MAGI1: variants seen among roughly 807,000 people sequenced by gnomAD.
The protein encoded by MAGI1 is membrane-associated guanylate kinase, WW and PDZ domain-containing protein 1.
In MAGI1, 58 loss-of-function variants were observed where a neutral mutation model predicts 139.9. That is an observed-to-expected ratio of 0.41 (90% CI 0.34 to 0.52). The LOEUF (loss-of-function observed/expected upper bound fraction) is 0.52. MAGI1 is among the 20% of genes least tolerant of loss of function. The pLI, the probability that MAGI1 is intolerant of heterozygous loss-of-function variation, is 0.12. For synonymous variants in MAGI1, 812 were observed against 737.9 expected, an observed-to-expected ratio of 1.10 and a Z score of -1.63; for missense variants, 1,874 against 1,901.6, an observed-to-expected ratio of 0.99 and a Z score of 0.27.
At chr3:65,910,479 C>T (rs1213957906) in intron 1 of MAGI1, among the ~76,000 whole-genome samples, 1 of 152,114 alleles carries the variant, frequency 6.6e-6, no homozygotes, top group Non-Finnish European at 1.5e-5. Flanking sequence ...TAAAGTACGC[C>T]ACCATTGCAA....
intron 1 of MAGI1, among the ~76,000 whole-genome samples, chr3:65,927,624 T>C (rs1045673292): frequency 2.0e-5 from 3 of 152,312 alleles, no homozygotes; most frequent in South Asian, 4.1e-4. Context: ...AAGCTATCAA[T>C]GTAAAGTACT....
At chr3:65,514,887 T>C (rs1437616494) in intron 2 of MAGI1, among the ~76,000 whole-genome samples, 2 of 147,640 alleles carry the variant, frequency 1.4e-5, no homozygotes, top group Non-Finnish European at 3.0e-5. Context: ...TTATTCACAA[T>C]AGCAAAGACT....
intron 1 of MAGI1, among the ~76,000 whole-genome samples, chr3:65,780,018 T>A (rs2038800388): frequency 7.9e-6 from 1 of 126,148 alleles, no homozygotes; most frequent in Non-Finnish European, 1.6e-5. Flanking sequence ...TGCTATCAAT[T>A]TTTTGGGGGG....
intron 2 of MAGI1, among the ~76,000 whole-genome samples, chr3:65,530,860 T>C (rs1201546279): frequency 7.1e-6 from 1 of 141,796 alleles, no homozygotes; most frequent in Non-Finnish European, 1.5e-5. Flanking sequence ...CACACATATA[T>C]ATATATATGG....
chr3:65,401,998 G>A (rs1033864332), intron 12 of MAGI1: 2 of 627,924 alleles, frequency 3.2e-6, no homozygotes, highest in African/African-American at 4.0e-5. Context: ...TTCTTTATTT[G>A]GATGAGCTCA....
At chr3:65,432,438 A>T (rs1947526745) in intron 10 of MAGI1, among the ~76,000 whole-genome samples, 1 of 152,208 alleles carries the variant, frequency 6.6e-6, no homozygotes, top group African/African-American at 2.4e-5. Context: ...AGAGTTTAAA[A>T]GGTCTCTGGG....
chr3:65,429,379 T>C (rs902433120), intron 12 of MAGI1, 141 bp downstream of exon 12: 9 of 826,788 alleles, frequency 1.1e-5, no homozygotes, highest in South Asian at 9.3e-5. Flanking sequence ...GCTAAAGAGG[T>C]TAGTATTTGG....
At chr3:65,994,545 A>G (rs910258567) in intron 1 of MAGI1, among the ~76,000 whole-genome samples, 29 of 152,118 alleles carry the variant, frequency 1.9e-4, no homozygotes, top group African/African-American at 6.5e-4. Context: ...AGACTACCCA[A>G]AACTTAGTGG....
At chr3:65,519,383 C>T (rs1341783848) in intron 2 of MAGI1, among the ~76,000 whole-genome samples, 1 of 56,344 alleles carries the variant, frequency 1.8e-5, no homozygotes, top group East Asian at 5.7e-4. Context: ...CACACACACA[C>T]ACATATATAT....
Position 65,439,901 on chromosome 3 carries a change from C to CTGCTGCTGCTGCTGCTGT in MAGI1, c.1247_1248insACAGCAGCAGCAGCAGCA (p.Gln416_Gln421dup). ...AACCTTCTGTCTGCTGCTGCTGCTG[C>CTGCTGCTGCTGCTGCTGT]TGCTGCTGCTGCTGTTGCTGCTGCT... On this transcript the variant is annotated inframe_insertion, in exon 9 of 23. Transcript: ENST00000402939. The CTGCTGCTGCTGCTGCTGT allele has an allele frequency of 6.2e-7, 1 of 1,609,778 alleles. No individual in the cohort carries two copies. Among genetic ancestry groups the CTGCTGCTGCTGCTGCTGT allele is most frequent in the Non-Finnish European group, 8.5e-7 (1 of 1,177,490 alleles).
At chr3:65,642,878 A>G (rs537646810) in intron 1 of MAGI1, among the ~76,000 whole-genome samples, 15 of 152,354 alleles carry the variant, frequency 9.8e-5, no homozygotes, top group African/African-American at 3.6e-4. Flanking sequence ...TTCTCTAGAG[A>G]AGACTTCTGT....
intron 1 of MAGI1, among the ~76,000 whole-genome samples, chr3:65,813,423 G>C (rs951414738): frequency 1.3e-5 from 2 of 151,734 alleles, no homozygotes; most frequent in African/African-American, 4.8e-5. Flanking sequence ...AAGGAGATGC[G>C]AATTATGAAA....
At chr3:65,736,075 A>C (rs2034700086) in intron 1 of MAGI1, among the ~76,000 whole-genome samples, 1 of 152,238 alleles carries the variant, frequency 6.6e-6, no homozygotes, top group Admixed American at 6.5e-5. Flanking sequence ...CAGACGCAGA[A>C]TTTTCAGAAG....
rs187373822 is a variant in MAGI1, at chr3:65,766,428, G to A, written c.314-144340C>T. Among the ~76,000 whole-genome samples the A allele has an allele frequency of 1.7e-3, 257 of 152,122 alleles. 2 individuals are homozygous for A. Among genetic ancestry groups the A allele is most frequent in the African/African-American group, 6.0e-3 (249 of 41,534 alleles). On this transcript the variant is annotated intron_variant, in intron 1 of 22. Coordinates refer to ENST00000402939, the MANE Select transcript of MAGI1 (RefSeq NM_001033057.2). ...AAGAGGATGTGGATAATAGAAATTC[G>A]AAACTACGTTGCAAGGGATTGTACA...
At chr3:65,974,045 A>C (rs1434891643) in intron 1 of MAGI1, among the ~76,000 whole-genome samples, 2 of 152,154 alleles carry the variant, frequency 1.3e-5, no homozygotes, top group Non-Finnish European at 2.9e-5. Flanking sequence ...TTTCAGAATT[A>C]GCATGAAGAA....
intron 2 of MAGI1, among the ~76,000 whole-genome samples, chr3:65,535,361 T>A (rs1036698604): frequency 4.6e-5 from 7 of 152,172 alleles, no homozygotes; most frequent in African/African-American, 1.4e-4. Context: ...GTGAACTAAA[T>A]GAGATGCCTT....
chr3:65,434,157 C>T (rs1947668244), intron 10 of MAGI1, among the ~76,000 whole-genome samples: 1 of 152,160 alleles, frequency 6.6e-6, no homozygotes, highest in Non-Finnish European at 1.5e-5. Flanking sequence ...AATCTGTGCT[C>T]TGCTACTTAG....
At chr3:65,934,407 A>C (rs527547666) in intron 1 of MAGI1, among the ~76,000 whole-genome samples, 1 of 152,096 alleles carries the variant, frequency 6.6e-6, no homozygotes, top group Non-Finnish European at 1.5e-5. Flanking sequence ...GGTTCAGAAA[A>C]AGAAGAAACA....
chr3:65,533,642 G>C (rs907985918), intron 2 of MAGI1, among the ~76,000 whole-genome samples: 1 of 152,204 alleles, frequency 6.6e-6, no homozygotes, highest in African/African-American at 2.4e-5. Context: ...TCTGAGGAAA[G>C]TGACATGTAG....
Sources: allele counts gnomAD v4.1 joint callset (sites outside exome capture counted in the v4.1 genomes callset), GRCh38; gene constraint gnomAD v4.1.1; transcripts MANE v1.5; gene names NCBI Gene and HGNC (gene_info 2026-07-23, HGNC 2026-07-21).